The following RNGTT variants were observed in gnomAD, a reference collection of about 807,000 sequenced individuals.
The protein encoded by RNGTT is mRNA-capping enzyme.
In RNGTT, 33 loss-of-function variants were observed where a neutral mutation model predicts 79.3. The observed-to-expected ratio is 0.42, with a 90% CI of 0.32 to 0.56. The LOEUF is 0.56. Among genes scored for constraint, RNGTT ranks in the 20% least tolerant of loss-of-function variants. RNGTT has a pLI of 0.17. For synonymous variants in RNGTT, 222 were observed against 235.9 expected, an observed-to-expected ratio of 0.94 and a Z score of 0.54; for missense variants, 497 against 739.1, an observed-to-expected ratio of 0.67 and a Z score of 3.80.
At chr6:88,771,315 G>GTGTGTGTGTATATATA (rs1303688973) in intron 12 of RNGTT, among the ~76,000 whole-genome samples, 6 of 62,066 alleles carry the variant, frequency 9.7e-5, no homozygotes, top group Admixed American at 1.8e-4. Context: ...GTGTGTGTGT[G>GTGTGTGTGTATATATA]TATATATATA....
chr6:88,655,669 T>A (rs1259526930), intron 14 of RNGTT, among the ~76,000 whole-genome samples: 4 of 152,170 alleles, frequency 2.6e-5, no homozygotes, highest in Non-Finnish European at 4.4e-5. Context: ...CTGCAAAAAA[T>A]TCCTACTTAA....
Position 88,893,943 on chromosome 6 carries a change from C to T in RNGTT, c.685-2028G>A, listed in dbSNP as rs1783139072. On this transcript the variant is annotated intron_variant, in intron 6 of 15. Transcript: ENST00000369485. ...TTTTATATTATTCAAAATTATATAA[C>T]TCCAAGAAAGACCACTAATTTTTTT... 3.9e-5 allele frequency among the ~76,000 whole-genome samples: 6 copies of T among 152,226 alleles called. No individual in the cohort carries two copies. The South Asian group carries it at 1.2e-3, about 32-fold the overall frequency.
rs189698995 is a variant in RNGTT, at chr6:88,946,266, T to C, written c.65-5086A>G. 2.2e-4 allele frequency among the ~76,000 whole-genome samples: 34 copies of C among 152,290 alleles called. No individual in the cohort carries two copies. In the East Asian group the frequency reaches 6.2e-3, roughly 28 times the overall value. ...ATCTATGATCAGTGATCTTTGATGTTACAACTGTAATTGTTTTGGAGTGCC... is the reference window on the plus strand; with the variant it reads ...ATCTATGATCAGTGATCTTTGATGTCACAACTGTAATTGTTTTGGAGTGCC... On this transcript the variant is annotated intron_variant, in intron 1 of 15. Transcript: ENST00000369485.
chr6:88,817,191 A>G (rs1209324411), intron 11 of RNGTT, among the ~76,000 whole-genome samples: 1 of 152,212 alleles, frequency 6.6e-6, no homozygotes, highest in Non-Finnish European at 1.5e-5. Flanking sequence ...CTTTCTTCTC[A>G]GACAGCAAAA....
chr6:88,804,718 TAAA>T (rs78578676), intron 11 of RNGTT, among the ~76,000 whole-genome samples: 1 of 147,314 alleles, frequency 6.8e-6, no homozygotes. Flanking sequence ...TTACAATTCT[TAAA>T]AAAAAAAAGT....
chr6:88,881,636 A>G (rs1286389294), intron 8 of RNGTT, among the ~76,000 whole-genome samples: 3 of 152,202 alleles, frequency 2.0e-5, no homozygotes, highest in Non-Finnish European at 4.4e-5. Flanking sequence ...AGGCAGGCAG[A>G]CACTGACAGA....
intron 13 of RNGTT, among the ~76,000 whole-genome samples, chr6:88,745,169 GA>G (rs1238935758): frequency 6.6e-6 from 1 of 152,150 alleles, no homozygotes; most frequent in Non-Finnish European, 1.5e-5. Flanking sequence ...CAACTTTAAA[GA>G]AGAGAAACTC....
At chr6:88,901,493 A>ATTTTTTT (rs1562310733) in intron 6 of RNGTT, among the ~76,000 whole-genome samples, 4 of 97,562 alleles carry the variant, frequency 4.1e-5, no homozygotes, top group African/African-American at 1.4e-4. Flanking sequence ...AAGCACCCTG[A>ATTTTTTT]TCTTTTTTTT....
At chr6:88,946,649 C>CCTCT (rs1160775014) in intron 1 of RNGTT, among the ~76,000 whole-genome samples, 4 of 149,962 alleles carry the variant, frequency 2.7e-5, no homozygotes, top group Non-Finnish European at 4.5e-5. Flanking sequence ...TCTCCCTCTC[C>CCTCT]CTCTCCCTCT....
intron 14 of RNGTT, among the ~76,000 whole-genome samples, chr6:88,644,074 GA>G (rs2127774306): frequency 6.6e-6 from 1 of 152,152 alleles, no homozygotes; most frequent in South Asian, 2.1e-4. Flanking sequence ...CTGGTTTTTT[GA>G]AAAGATCAAC....
chr6:88,813,043 C>T (rs1357274092), intron 11 of RNGTT, among the ~76,000 whole-genome samples: 1 of 152,096 alleles, frequency 6.6e-6, no homozygotes, highest in African/African-American at 2.4e-5. Context: ...TATTTTTAAA[C>T]TATGCCCTAA....
At chr6:88,802,186 A>G (rs77247926) in intron 11 of RNGTT, among the ~76,000 whole-genome samples, 1 of 152,306 alleles carries the variant, frequency 6.6e-6, no homozygotes, top group African/African-American at 2.4e-5. Context: ...TGTAACCACA[A>G]ACCAGCTCAA....
intron 13 of RNGTT, among the ~76,000 whole-genome samples, chr6:88,717,764 T>C (rs9451064): frequency 0.027 from 4,060 of 152,000 alleles, 180 homozygotes; most frequent in African/African-American, 0.093. Flanking sequence ...TTTTCGACAA[T>C]AACCACTCCA....
intron 14 of RNGTT, among the ~76,000 whole-genome samples, chr6:88,627,034 C>A (rs1772658865): frequency 6.6e-6 from 1 of 151,804 alleles, no homozygotes; most frequent in Non-Finnish European, 1.5e-5. Context: ...GCTTTAACAT[C>A]CACCATTAAC....
At chr6:88,813,095 G>C (rs772207003) in intron 11 of RNGTT, among the ~76,000 whole-genome samples, 1 of 152,138 alleles carries the variant, frequency 6.6e-6, no homozygotes, top group East Asian at 1.9e-4. Flanking sequence ...TATTGAGCCT[G>C]CAGGGTGGCA....
intron 14 of RNGTT, among the ~76,000 whole-genome samples, chr6:88,663,487 GC>G (rs1044965660): frequency 2.0e-5 from 3 of 152,210 alleles, no homozygotes; most frequent in Admixed American, 1.3e-4. Flanking sequence ...ACAGGCTGCA[GC>G]AGTACTAGTA....
At chr6:88,767,112 A>G (rs1448261009) in intron 13 of RNGTT, among the ~76,000 whole-genome samples, 1 of 152,140 alleles carries the variant, frequency 6.6e-6, no homozygotes, top group African/African-American at 2.4e-5. Flanking sequence ...TTACCATGTT[A>G]TATTTCATAT....
rs61697424 is a variant in RNGTT, at chr6:88,761,052, CAT to C, written c.1439+8720_1439+8721del. 9.1e-3 allele frequency among the ~76,000 whole-genome samples: 1,319 copies of C among 144,734 alleles called. 17 individuals carry two copies. The highest frequency in any genetic ancestry group is 0.028 in the African/African-American group (1,077 of 38,514). The allele number at this position is 144,734 out of a possible 152,430, so 95.0% of individuals were successfully genotyped here. A position where few individuals can be genotyped will look rare whatever the true frequency, so the allele number is the denominator to read the frequency against. On this transcript the variant is annotated intron_variant, in intron 13 of 15. Transcript: ENST00000369485. ...ACACACACACACACACACACACACA[CAT>C]ACACTCTAGTCAGCAGAGTAAAAAG...
At chr6:88,774,312 C>A (rs892963181) in intron 12 of RNGTT, among the ~76,000 whole-genome samples, 1 of 147,086 alleles carries the variant, frequency 6.8e-6, no homozygotes. Context: ...GAAAAAAAAA[C>A]ACAGAAACTA....
Sources: gnomAD v4.1 joint callset for allele counts (sites outside exome capture counted in the v4.1 genomes callset) on GRCh38, gnomAD v4.1.1 for gene constraint, MANE v1.5 for transcripts, NCBI Gene and HGNC (gene_info 2026-07-23, HGNC 2026-07-21) for gene names.